The following WWOX variants were observed in gnomAD, a reference collection of about 807,000 sequenced individuals.
The protein encoded by WWOX is WW domain containing oxidoreductase.
WWOX carries 69 observed loss-of-function variants against 46.2 expected under a neutral mutation model. The observed-to-expected ratio is 1.49, with a 90% confidence interval of 1.23 to 1.82. The LOEUF is 1.82. Ranked by LOEUF, WWOX falls within the 40% of genes most tolerant of loss-of-function variation. The pLI is 0.00. For synonymous variants in WWOX, 359 were observed against 202.6 expected, an observed-to-expected ratio of 1.77 and a Z score of -6.56; for missense variants, 919 against 542.6, an observed-to-expected ratio of 1.69 and a Z score of -6.89.
At chr16:79,040,771 T>C (rs756241594) in intron 8 of WWOX, among the ~76,000 whole-genome samples, 3 of 152,046 alleles carry the variant, frequency 2.0e-5, no homozygotes, top group Admixed American at 6.6e-5. Flanking sequence ...CCTGACACTC[T>C]TAGACCTTCT....
intron 8 of WWOX, among the ~76,000 whole-genome samples, chr16:79,105,159 A>G (rs371915402): frequency 5.9e-5 from 9 of 152,290 alleles, no homozygotes; most frequent in African/African-American, 2.2e-4. Context: ...TCGATGAGCT[A>G]TGAACAGGAA....
chr16:78,515,507 G>A (rs1317870737), intron 8 of WWOX, among the ~76,000 whole-genome samples: 2 of 152,186 alleles, frequency 1.3e-5, no homozygotes, highest in African/African-American at 4.8e-5. Context: ...TTCCCCGGAA[G>A]TGTGCAAGAA....
chr16:78,250,944 C>T (rs1454499281), intron 5 of WWOX, among the ~76,000 whole-genome samples: 2 of 152,178 alleles, frequency 1.3e-5, no homozygotes, highest in African/African-American at 2.4e-5. Context: ...ACGGGACAGG[C>T]ATGGGGCACA....
chr16:78,587,469 G>C (rs2045238755), intron 8 of WWOX, among the ~76,000 whole-genome samples: 1 of 152,096 alleles, frequency 6.6e-6, no homozygotes, highest in South Asian at 2.1e-4. Context: ...ATTCATAATT[G>C]ATTCCAAACG....
intron 8 of WWOX, among the ~76,000 whole-genome samples, chr16:78,832,000 G>T (rs2051840875): frequency 6.6e-6 from 1 of 152,164 alleles, no homozygotes; most frequent in Non-Finnish European, 1.5e-5. Context: ...CACTACCTAG[G>T]TATCTGCAAC....
intron 8 of WWOX, among the ~76,000 whole-genome samples, chr16:78,789,561 G>A (rs1008579100): frequency 6.6e-6 from 1 of 152,082 alleles, no homozygotes; most frequent in African/African-American, 2.4e-5. Flanking sequence ...CTCTGTGTAA[G>A]TTTTGAAATT....
At chr16:78,311,894 G>C (rs944842140) in intron 5 of WWOX, among the ~76,000 whole-genome samples, 1 of 152,176 alleles carries the variant, frequency 6.6e-6, no homozygotes, top group Non-Finnish European at 1.5e-5. Flanking sequence ...TCAGAGGTCT[G>C]ACACAGGCCT....
intron 8 of WWOX, among the ~76,000 whole-genome samples, chr16:78,940,724 G>A (rs1038053766): frequency 2.0e-5 from 3 of 149,408 alleles, no homozygotes; most frequent in Non-Finnish European, 4.4e-5. Context: ...TCTACCCAGC[G>A]GGGTTACTTT....
At chr16:78,209,825 T>C (rs1173209819) in intron 5 of WWOX, among the ~76,000 whole-genome samples, 3 of 152,154 alleles carry the variant, frequency 2.0e-5, no homozygotes, top group Non-Finnish European at 4.4e-5. Context: ...ACATTTATGA[T>C]GAAATATGTA....
Position 78,702,044 on chromosome 16 carries a change from T to A in WWOX, c.1056+269292T>A, listed in dbSNP as rs372875508. 2.8e-3 allele frequency among the ~76,000 whole-genome samples: 313 copies of A among 109,972 alleles called. 5 individuals are homozygous for A. The highest frequency in any genetic ancestry group is 3.9e-3 in the Non-Finnish European group (215 of 54,926). The allele number at this position is 109,972 out of a possible 152,430, so 72.1% of individuals were successfully genotyped here. ...ATATATATATATATATATATATATA[T>A]AAAATAATGCAGAAGTTTTATATAT... On this transcript the variant is annotated intron_variant, in intron 8 of 8. Transcript: ENST00000566780.
intron 8 of WWOX, among the ~76,000 whole-genome samples, chr16:78,804,451 A>G (rs1423798344): frequency 6.6e-6 from 1 of 152,042 alleles, no homozygotes; most frequent in African/African-American, 2.4e-5. Context: ...AATTGAAATG[A>G]TGAGAAAAGA....
intron 8 of WWOX, among the ~76,000 whole-genome samples, chr16:79,183,787 G>A (rs145288058): frequency 0.011 from 1,713 of 152,252 alleles, 41 homozygotes; most frequent in African/African-American, 0.039. Context: ...TCTGCCCTAG[G>A]TCCCAGAGCT....
intron 5 of WWOX, among the ~76,000 whole-genome samples, chr16:78,305,803 A>G (rs1463363442): frequency 2.0e-5 from 3 of 152,110 alleles, no homozygotes; most frequent in Non-Finnish European, 1.5e-5. Flanking sequence ...CCTGAAACCC[A>G]TCATTATTAA....
intron 8 of WWOX, among the ~76,000 whole-genome samples, chr16:79,003,732 C>T (rs944091393): frequency 2.0e-4 from 31 of 152,174 alleles, no homozygotes; most frequent in Non-Finnish European, 3.5e-4. Context: ...TCTTGTAGGG[C>T]AGCTGTTTCA....
chr16:78,769,124 G>C (rs1343725217), intron 8 of WWOX, among the ~76,000 whole-genome samples: 1 of 152,184 alleles, frequency 6.6e-6, no homozygotes, highest in African/African-American at 2.4e-5. Context: ...AGGTATTTTG[G>C]TATTCCAAAT....
intron 8 of WWOX, among the ~76,000 whole-genome samples, chr16:78,543,526 G>A (rs1386827173): frequency 6.6e-6 from 1 of 152,150 alleles, no homozygotes; most frequent in African/African-American, 2.4e-5. Context: ...CAGAAGTTTG[G>A]GCCCTAACAT....
At chr16:78,727,473 C>T (rs1336293391) in intron 8 of WWOX, among the ~76,000 whole-genome samples, 3 of 152,136 alleles carry the variant, frequency 2.0e-5, no homozygotes, top group Admixed American at 6.5e-5. Context: ...CACCACAGAA[C>T]TGCCAGGGTA....
chr16:78,962,545 A>G (rs1358088994), intron 8 of WWOX, among the ~76,000 whole-genome samples: 1 of 152,088 alleles, frequency 6.6e-6, no homozygotes, highest in Non-Finnish European at 1.5e-5. Context: ...ATTCTCTGAA[A>G]TGGTTTTCCA....
intron 8 of WWOX, among the ~76,000 whole-genome samples, chr16:79,096,016 A>ATTTTTTGT (rs71384393): frequency 6.1e-5 from 5 of 82,054 alleles, no homozygotes; most frequent in Non-Finnish European, 8.8e-5. Flanking sequence ...CACCCGGATA[A>ATTTTTTGT]TTTTTTTTTT....
Sources: allele counts gnomAD v4.1 joint callset (sites outside exome capture counted in the v4.1 genomes callset), GRCh38; gene constraint gnomAD v4.1.1; transcripts MANE v1.5; gene names NCBI Gene and HGNC (gene_info 2026-07-23, HGNC 2026-07-21).